Variants in TES observed in about 807,000 individuals in gnomAD.
The protein encoded by TES is testin.
A neutral mutation model predicts 48.2 loss-of-function variants in TES; 41 were observed. The observed-to-expected ratio is 0.85, with a 90% CI of 0.66 to 1.10. TES has a LOEUF of 1.10. Ranked by LOEUF, TES falls within the 50% of genes least tolerant of loss-of-function variation. The pLI, the probability that TES is intolerant of heterozygous loss-of-function variation, is 0.00. For missense variants in TES, 463 were observed against 515.1 expected (o/e 0.90, Z 0.98); for synonymous variants, 162 against 174.9 (o/e 0.93, Z 0.58).
At chr7:116,220,849 G>T (rs955829684) in intron 1 of TES, among the ~76,000 whole-genome samples, 1 of 152,138 alleles carries the variant, frequency 6.6e-6, no homozygotes, top group Non-Finnish European at 1.5e-5. Context: ...ACCTCACAGG[G>T]TTGTAAGGAT....
chr7:116,253,265 A>C (rs1323489088), intron 6 of TES, among the ~76,000 whole-genome samples: 1 of 152,232 alleles, frequency 6.6e-6, no homozygotes, highest in Non-Finnish European at 1.5e-5. Context: ...TATAGTTATA[A>C]GAGTGTGGTA....
At chr7:116,232,556 A>AC (rs1563008763) in intron 1 of TES, among the ~76,000 whole-genome samples, 8 of 151,912 alleles carry the variant, frequency 5.3e-5, no homozygotes, top group African/African-American at 1.9e-4. Context: ...TGAAAAAGAA[A>AC]ACTTTTTTGG....
At chr7:116,239,265 A>C (rs1218306020) in intron 2 of TES, 3 of 152,064 alleles carry the variant, frequency 2.0e-5, no homozygotes, top group Non-Finnish European at 4.4e-5. Flanking sequence ...AGCCAGAGAA[A>C]ATTCATTGCT....
chr7:116,222,185 G>T lies in TES; in HGVS notation c.27+11451G>T, dbSNP rs1799565057. On this transcript the variant is annotated intron_variant, in intron 1 of 6. Transcript: ENST00000358204. ...CTTACATCTCTCCCTTCCTTTCCTG[G>T]TTTCCAAGACCCCTCTCCTTGCTAT... 1.3e-5 allele frequency among the ~76,000 whole-genome samples: 2 copies of T among 152,128 alleles called. 1 individual carries two copies. Among genetic ancestry groups the T allele is most frequent in the South Asian group, 4.1e-4 (2 of 4,832 alleles).
At chr7:116,240,873 CTATA>C (rs549204008) in intron 2 of TES, among the ~76,000 whole-genome samples, 14 of 152,128 alleles carry the variant, frequency 9.2e-5, no homozygotes, top group African/African-American at 3.1e-4. Flanking sequence ...CTGTTTAAAT[CTATA>C]TATATCATCA....
intron 2 of TES, among the ~76,000 whole-genome samples, chr7:116,240,905 A>G (rs1461404126): frequency 1.3e-5 from 2 of 152,226 alleles, no homozygotes; most frequent in Admixed American, 1.3e-4. Flanking sequence ...CTTATGGATC[A>G]TCTGATGAAA....
At chr7:116,215,324 C>T (rs1217933761) in intron 1 of TES, among the ~76,000 whole-genome samples, 1 of 152,090 alleles carries the variant, frequency 6.6e-6, no homozygotes, top group African/African-American at 2.4e-5. Flanking sequence ...TACATTTCAA[C>T]ACTTTCACTC....
At chr7:116,251,048 G>A (rs753304440) in intron 4 of TES, among the ~76,000 whole-genome samples, 7 of 152,270 alleles carry the variant, frequency 4.6e-5, no homozygotes, top group South Asian at 2.1e-4. Flanking sequence ...TAAACCTGCT[G>A]TAATATATTC....
At chr7:116,236,302 G>A (rs1467272594) in intron 2 of TES, among the ~76,000 whole-genome samples, 1 of 152,132 alleles carries the variant, frequency 6.6e-6, no homozygotes, top group African/African-American at 2.4e-5. Context: ...AACTTCTTGA[G>A]TGTCAACACG....
At chr7:116,229,093 A>C (rs1407680159) in intron 1 of TES, among the ~76,000 whole-genome samples, 1 of 149,108 alleles carries the variant, frequency 6.7e-6, no homozygotes, top group Non-Finnish European at 1.5e-5. Context: ...AGGTACACCT[A>C]TCTTGGTTAT....
Position 116,249,094 on chromosome 7 carries a change from T to A in TES, c.188T>A (p.Val63Glu). 1 of 1,614,004 alleles carries A rather than the reference T, an allele frequency of 6.2e-7. No individual in the cohort carries two copies. The highest frequency in any genetic ancestry group is 1.1e-5 in the South Asian group (1 of 91,076). The change falls in exon 3 of 7, where the codon GTG becomes GAG. Residue 63 changes from valine (V) to glutamate (E), a missense_variant. Transcript: ENST00000358204. Reference sequence around the variant, plus strand: ...TTGAGCAATGAAGAGGATCGAAAAGTGGGAAAACTTTTTGAAGACACCAAG... The same window carrying A: ...TTGAGCAATGAAGAGGATCGAAAAGAGGGAAAACTTTTTGAAGACACCAAG... ...VLLSNEEDRK[V>E]GKLFEDTKYT...
At position 116,257,860 on chromosome 7, in the gene TES, TG is replaced by T. The variant is rs1800126415; in HGVS notation, c.*379del. Reference sequence around the variant, plus strand: ...TTCTACACTTCTTTTTTCCCCCTCATGTGTAAAATGAAAAGAAAACTAAATT... The same window carrying T: ...TTCTACACTTCTTTTTTCCCCCTCATTGTAAAATGAAAAGAAAACTAAATT... On this transcript the variant is annotated 3_prime_UTR_variant, in exon 7 of 7. Coordinates refer to ENST00000358204, the MANE Select transcript of TES (RefSeq NM_015641.4). 1.3e-5 allele frequency: 2 copies of T among 154,178 alleles called. No homozygotes were observed. The highest frequency in any genetic ancestry group is 2.8e-5 in the Non-Finnish European group (2 of 70,932). The allele number at this position is 154,178 out of a possible 1,614,324, so 9.6% of individuals were successfully genotyped here. A position where few individuals can be genotyped will look rare whatever the true frequency, so the allele number is the denominator to read the frequency against.
At position 116,229,179 on chromosome 7, in the gene TES, C is replaced by A. The variant is rs537128371; in HGVS notation, c.28-5355C>A. ...CTGAGGAGCTAAGCCTCTCTGGGCT[C>A]ACCTTCCTCCCTGCCACTCTCTCTC... On this transcript the variant is annotated intron_variant, in intron 1 of 6. Transcript: ENST00000358204. 2.0e-5 allele frequency among the ~76,000 whole-genome samples: 3 copies of A among 151,966 alleles called. No homozygotes were observed. In the East Asian group the frequency reaches 5.8e-4, roughly 30 times the overall value.
intron 1 of TES, 135 bp from the exon 2 acceptor site, chr7:116,234,399 A>C: frequency 1.4e-6 from 1 of 697,066 alleles, no homozygotes; most frequent in Non-Finnish European, 2.5e-6. Context: ...CCTGGGTATC[A>C]TCATTGACTA....
At chr7:116,237,499 T>C (rs1300485734) in intron 2 of TES, among the ~76,000 whole-genome samples, 1 of 152,094 alleles carries the variant, frequency 6.6e-6, no homozygotes, top group African/African-American at 2.4e-5. Flanking sequence ...AAGCACTCTA[T>C]GATCCAAGTG....
rs1041881859 is a variant in TES, at chr7:116,243,041, T to G, written c.114-5979T>G. On this transcript the variant is annotated intron_variant, in intron 2 of 6. Transcript: ENST00000358204. ...TAGAATAGTTTCTATTTCCTTTTACTAGTTTCTGCTATTCTCTTTATTTTC... is the reference window on the plus strand; with the variant it reads ...TAGAATAGTTTCTATTTCCTTTTACGAGTTTCTGCTATTCTCTTTATTTTC... 3.3e-5 allele frequency among the ~76,000 whole-genome samples: 5 copies of G among 152,334 alleles called. No homozygotes were observed. The South Asian group carries it at 1.0e-3, about 32-fold the overall frequency.
rs1799991180 is a variant in TES at position 116,250,512 on chromosome 7, A to G, written c.702+16A>G. ...AACTCAATATGTAAGTAGAGTGGTC[A>G]CACTGTTAGCCTGATTTGTATACTT... On this transcript the variant is annotated intron_variant, in intron 4 of 6. Transcript: ENST00000358204. 1 of 1,498,304 alleles carries G rather than the reference A, an allele frequency of 6.7e-7. No individual in the cohort carries two copies. Among genetic ancestry groups the G allele is most frequent in the African/African-American group, 1.4e-5 (1 of 71,082 alleles). The allele number at this position is 1,498,304 out of a possible 1,614,324, so 92.8% of individuals were successfully genotyped here. A position where few individuals can be genotyped will look rare whatever the true frequency, so the allele number is the denominator to read the frequency against.
intron 2 of TES, among the ~76,000 whole-genome samples, chr7:116,238,758 C>T (rs1421074984): frequency 6.6e-6 from 1 of 151,964 alleles, no homozygotes; most frequent in Non-Finnish European, 1.5e-5. Context: ...CGCCACCACG[C>T]CCAGCTAATT....
chr7:116,249,596 A>G (rs1441537494), intron 3 of TES: 1 of 233,202 alleles, frequency 4.3e-6, no homozygotes, highest in African/African-American at 2.3e-5. Flanking sequence ...AAGATGGTAA[A>G]GAAGAGAATT....
Sources: allele counts gnomAD v4.1 joint callset (sites outside exome capture counted in the v4.1 genomes callset), GRCh38; gene constraint gnomAD v4.1.1; transcripts MANE v1.5; gene names NCBI Gene and HGNC (gene_info 2026-07-23, HGNC 2026-07-21).